ZNF133: variants seen among roughly 807,000 people sequenced by gnomAD.
The protein encoded by ZNF133 is zinc finger protein 133 (clone pHZ-13).
ZNF133 carries 26 observed loss-of-function variants against 54.9 expected under a neutral mutation model. The observed-to-expected ratio is 0.47, with a 90% CI of 0.35 to 0.66. The LOEUF is 0.66. ZNF133 is among the 30% of genes least tolerant of loss of function. The probability of loss-of-function intolerance (pLI) is 0.01; values close to 1 mark genes in which losing one functional copy is unlikely to be tolerated. For synonymous variants in ZNF133, 298 were observed against 320.3 expected (o/e 0.93, Z 0.74); for missense variants, 653 against 820.8 (o/e 0.80, Z 2.50).
In ZNF133 at chr20:18,316,424, C is replaced by G. The variant is rs201405771; in HGVS notation, c.1573C>G (p.Arg525Gly). 358 of 1,611,914 alleles carry G rather than the reference C, an allele frequency of 2.2e-4. No homozygotes were observed. Among genetic ancestry groups the G allele is most frequent in the Non-Finnish European group, 2.8e-4 (336 of 1,179,334 alleles). The change falls in exon 7 of 7, where the codon CGA becomes GGA. Residue 525 changes from arginine (R) to glycine (G), a missense_variant. Transcript: ENST00000425686. The part of the protein sequence containing the change: ...THSGERPYVC[R>G]ECGRGFSHQA... Reference sequence around the variant, plus strand: ...CTCAGGGGAGAGGCCGTATGTGTGCCGAGAGTGCGGGCGAGGCTTTAGCCA... The same window carrying G: ...CTCAGGGGAGAGGCCGTATGTGTGCGGAGAGTGCGGGCGAGGCTTTAGCCA...
chr20:18,316,346 T>C lies in ZNF133; in HGVS notation c.1495T>C (p.Cys499Arg). The part of the protein sequence containing the change: ...SGEKPMVCGE[C>R]GRGFSQKSNL... ...CGAGAAGCCCATGGTGTGTGGGGAG[T>C]GCGGGCGAGGCTTCAGCCAGAAGTC... The change falls in exon 7 of 7, where the codon TGC becomes CGC. Residue 499 changes from cysteine to arginine, a missense_variant. Cys to Arg is a radical substitution (Grantham distance 180). Transcript: ENST00000425686. 1 of 1,613,206 alleles carries C rather than the reference T, an allele frequency of 6.2e-7. No individual in the cohort carries two copies. The highest frequency in any genetic ancestry group is 1.1e-5 in the South Asian group (1 of 91,034).
intron 6 of ZNF133, among the ~76,000 whole-genome samples, chr20:18,308,106 G>T (rs1303183594): frequency 6.6e-6 from 1 of 152,122 alleles, no homozygotes; most frequent in East Asian, 1.9e-4. Context: ...GAATTGGGGA[G>T]GGTTGGACAA....
intron 1 of ZNF133, among the ~76,000 whole-genome samples, chr20:18,292,309 A>G (rs1440581782): frequency 6.6e-6 from 1 of 152,240 alleles, no homozygotes; most frequent in Non-Finnish European, 1.5e-5. Flanking sequence ...AACCAAAGTC[A>G]AAACCAGTAT....
In ZNF133 at chr20:18,315,204, A is replaced by C; in HGVS notation, c.353A>C (p.Gln118Pro). The change falls in exon 7 of 7, where the codon CAG (glutamine) becomes CCG (proline). Residue 118 changes from glutamine (Q) to proline (P), a missense_variant. Physicochemically the swap from Gln to Pro is moderately conservative, Grantham distance 76. Coordinates refer to ENST00000425686, the MANE Select transcript of ZNF133 (RefSeq NM_001352452.2). ...TGCTTGTGTGCAGAAGGTAACATCCAGCCTGGGGATCCGGGCCCAGGGGAC... is the reference window on the plus strand; with the variant it reads ...TGCTTGTGTGCAGAAGGTAACATCCCGCCTGGGGATCCGGGCCCAGGGGAC... ...FTCLCAEGNI[Q>P]PGDPGPGDQE... 6.2e-7 allele frequency: 1 copy of C among 1,614,042 alleles called. No individual in the cohort carries two copies. The highest frequency in any genetic ancestry group is 8.5e-7 in the Non-Finnish European group (1 of 1,179,966).
chr20:18,297,688 T>C (rs1478324320), intron 1 of ZNF133, among the ~76,000 whole-genome samples: 1 of 152,196 alleles, frequency 6.6e-6, no homozygotes, highest in African/African-American at 2.4e-5. Context: ...CTTCTGGCAG[T>C]GTAGCAAAGT....
chr20:18,310,149 A>G, intron 6 of ZNF133: 1 of 1,321,978 alleles, frequency 7.6e-7, no homozygotes, highest in Non-Finnish European at 9.6e-7. Context: ...CTCGTTTTTA[A>G]TCCTTGTTTT....
intron 3 of ZNF133, among the ~76,000 whole-genome samples, chr20:18,298,933 T>C (rs2042787577): frequency 6.6e-6 from 1 of 152,104 alleles, no homozygotes; most frequent in Non-Finnish European, 1.5e-5. Flanking sequence ...ATTCTTAGCA[T>C]GGAGACACCC....
At chr20:18,290,742 G>A (rs1388160482) in intron 1 of ZNF133, among the ~76,000 whole-genome samples, 1 of 152,062 alleles carries the variant, frequency 6.6e-6, no homozygotes, top group Non-Finnish European at 1.5e-5. Context: ...TTCTGATCTT[G>A]CTGATCTGTG....
At chr20:18,297,893 C>T in intron 1 of ZNF133, 92 bp from the exon 2 acceptor site, 1 of 757,054 alleles carries the variant, frequency 1.3e-6, no homozygotes, top group South Asian at 1.7e-5. Context: ...GCCACTGCGC[C>T]CCCAGTTGTG....
Position 18,298,359 on chromosome 20 carries a change from C to T in ZNF133, c.-283C>T, listed in dbSNP as rs1016196156. 4 of 1,261,454 alleles carry T rather than the reference C, an allele frequency of 3.2e-6. No individual in the cohort carries two copies. The African/African-American group carries it at 4.6e-5, about 15-fold the overall frequency. The allele number at this position is 1,261,454 out of a possible 1,614,324, so 78.1% of individuals were successfully genotyped here. On this transcript the variant is annotated 5_prime_UTR_variant, in exon 3 of 7. Coordinates refer to ENST00000425686, the MANE Select transcript of ZNF133 (RefSeq NM_001352452.2). Reference sequence around the variant, plus strand: ...GGGAAGATTCTGGAATCTGTGTCCCCACCTAGACAACGATTATACTGGCAG... The same window carrying T: ...GGGAAGATTCTGGAATCTGTGTCCCTACCTAGACAACGATTATACTGGCAG...
At chr20:18,307,351 T>C (rs2044868179) in intron 6 of ZNF133, among the ~76,000 whole-genome samples, 2 of 152,222 alleles carry the variant, frequency 1.3e-5, no homozygotes, top group East Asian at 1.9e-4. Flanking sequence ...TGAAAGTGTC[T>C]TTATTTTACC....
intron 6 of ZNF133, among the ~76,000 whole-genome samples, chr20:18,310,545 C>T (rs968917753): frequency 6.6e-6 from 1 of 152,136 alleles, no homozygotes; most frequent in Non-Finnish European, 1.5e-5. Context: ...AAATACCACA[C>T]AATCTTACTT....
intron 1 of ZNF133, among the ~76,000 whole-genome samples, chr20:18,295,821 C>A (rs544345881): frequency 1.1e-4 from 16 of 152,160 alleles, no homozygotes; most frequent in African/African-American, 3.6e-4. Flanking sequence ...TGCACCAAAT[C>A]TGGCTATTTT....
chr20:18,311,141 G>A (rs55963322), intron 6 of ZNF133, among the ~76,000 whole-genome samples: 52,292 of 151,850 alleles, frequency 0.34, 10,809 homozygotes, highest in African/African-American at 0.57. Flanking sequence ...GCAACATAGC[G>A]AGACTCTGTC....
Position 18,305,058 on chromosome 20 carries a change from G to T in ZNF133, c.-127G>T. On this transcript the variant is annotated 5_prime_UTR_variant, in exon 4 of 7. Coordinates refer to ENST00000425686, the MANE Select transcript of ZNF133 (RefSeq NM_001352452.2). This position sits in a 1 kb window ranked among gnomAD's most constrained non-coding sequence, Gnocchi z 4.7. ...TAAGAAAATTAAAAGAATAAAACTGGGCAGGGGCATGAGAATAGGATGCAA... is the reference window on the plus strand; with the variant it reads ...TAAGAAAATTAAAAGAATAAAACTGTGCAGGGGCATGAGAATAGGATGCAA... 8 of 985,404 alleles carry T rather than the reference G, an allele frequency of 8.1e-6. No homozygotes were observed. The highest frequency in any genetic ancestry group is 8.4e-6 in the Non-Finnish European group (7 of 829,990). The allele number at this position is 985,404 out of a possible 1,614,324, so 61.0% of individuals were successfully genotyped here.
At position 18,315,762 on chromosome 20, in the gene ZNF133, G is replaced by A; in HGVS notation, c.911G>A (p.Gly304Glu). 1 of 1,614,188 alleles carries A rather than the reference G, an allele frequency of 6.2e-7. No individual in the cohort carries two copies. The highest frequency in any genetic ancestry group is 8.5e-7 in the Non-Finnish European group (1 of 1,180,034). The change falls in exon 7 of 7, where the codon GGG becomes GAG. Residue 304 changes from glycine to glutamate, a missense_variant. Coordinates refer to ENST00000425686, the MANE Select transcript of ZNF133 (RefSeq NM_001352452.2). ...AAACCTTACATGTGCAGTGAGTGTGGGCGAGGCTTCAGCCAGAAGTCAAAC... is the reference window on the plus strand; with the variant it reads ...AAACCTTACATGTGCAGTGAGTGTGAGCGAGGCTTCAGCCAGAAGTCAAAC... Reference protein sequence around the residue: ...GEKPYMCSECGRGFSQKSNLI... With the variant: ...GEKPYMCSECERGFSQKSNLI...
intron 3 of ZNF133, among the ~76,000 whole-genome samples, chr20:18,299,799 TAAAAG>T (rs1378438672): frequency 3.9e-5 from 6 of 152,174 alleles, no homozygotes; most frequent in African/African-American, 1.4e-4. Flanking sequence ...TTTGAAGTGC[TAAAAG>T]AAAACGAACA....
Position 18,305,278 on chromosome 20 carries a change from C to A in ZNF133, c.-7+100C>A, listed in dbSNP as rs541621037. ...ACTCTCTGCTTGTGACCATCAGGCCCGAGAAAGCCAAGCCGTAGGATTTTG... is the reference window on the plus strand; with the variant it reads ...ACTCTCTGCTTGTGACCATCAGGCCAGAGAAAGCCAAGCCGTAGGATTTTG... On this transcript the variant is annotated intron_variant, in intron 4 of 6. Coordinates refer to ENST00000425686, the MANE Select transcript of ZNF133 (RefSeq NM_001352452.2). The surrounding 1 kb of genome is among the most constrained non-coding windows in gnomAD (Gnocchi z 4.7). 2 of 862,072 alleles carry A rather than the reference C, an allele frequency of 2.3e-6. No homozygotes were observed. Among genetic ancestry groups the A allele is most frequent in the Non-Finnish European group, 2.8e-6 (2 of 712,576 alleles). 53.4% of individuals were successfully genotyped at this position (862,072 alleles called of 1,614,324 possible). A position where few individuals can be genotyped will look rare whatever the true frequency, so the allele number is the denominator to read the frequency against.
At chr20:18,310,872 A>T (rs1428890486) in intron 6 of ZNF133, among the ~76,000 whole-genome samples, 1 of 152,238 alleles carries the variant, frequency 6.6e-6, no homozygotes, top group Non-Finnish European at 1.5e-5. Flanking sequence ...GAATATATAC[A>T]TTTTTTGTCA....
Sources: allele counts gnomAD v4.1 joint callset (sites outside exome capture counted in the v4.1 genomes callset), GRCh38; gene constraint gnomAD v4.1.1; non-coding constraint Gnocchi (gnomAD v3.1); transcripts MANE v1.5; gene names NCBI Gene and HGNC (gene_info 2026-07-23, HGNC 2026-07-21).